Variants in SYT1 observed in about 807,000 individuals in gnomAD.
SYT1 encodes synaptotagmin-1.
SYT1 carries 8 observed loss-of-function variants against 44.8 expected under a neutral mutation model. That is an observed-to-expected ratio of 0.18 (90% CI 0.10 to 0.32). The LOEUF (loss-of-function observed/expected upper bound fraction) is 0.32. SYT1 is among the 10% of genes least tolerant of loss of function. The pLI is 1.00. For missense variants in SYT1, 286 were observed against 509.3 expected (o/e 0.56, Z 4.22); for synonymous variants, 154 against 188.8 (o/e 0.82, Z 1.51).
intron 2 of SYT1, among the ~76,000 whole-genome samples, chr12:79,046,129 T>C (rs925014396): frequency 6.6e-6 from 1 of 152,206 alleles, no homozygotes; most frequent in Non-Finnish European, 1.5e-5. Flanking sequence ...TGGATTTTAC[T>C]AAGAAACAGT....
intron 3 of SYT1, among the ~76,000 whole-genome samples, chr12:79,105,219 G>A (rs901520765): frequency 6.6e-6 from 1 of 152,120 alleles, no homozygotes; most frequent in Non-Finnish European, 1.5e-5. Context: ...TCGAGCTTCA[G>A]CCTTCTCATT....
At chr12:79,106,422 A>C (rs1183165280) in intron 3 of SYT1, among the ~76,000 whole-genome samples, 1 of 152,202 alleles carries the variant, frequency 6.6e-6, no homozygotes, top group Non-Finnish European at 1.5e-5. Context: ...AATGATACCT[A>C]AATAATGAAT....
At chr12:79,443,614 C>T (rs939689746) in intron 9 of SYT1, among the ~76,000 whole-genome samples, 4 of 152,194 alleles carry the variant, frequency 2.6e-5, no homozygotes, top group Non-Finnish European at 5.9e-5. Context: ...AATGAAATGG[C>T]TCCTTTGTCC....
At chr12:79,342,178 C>T (rs1377737143) in intron 8 of SYT1, among the ~76,000 whole-genome samples, 1 of 152,060 alleles carries the variant, frequency 6.6e-6, no homozygotes, top group Non-Finnish European at 1.5e-5. Flanking sequence ...GAATTTGGGC[C>T]TTTTAACTCA....
intron 4 of SYT1, among the ~76,000 whole-genome samples, chr12:79,249,083 T>A (rs1877023845): frequency 8.4e-6 from 1 of 119,178 alleles, no homozygotes; most frequent in South Asian, 2.9e-4. Flanking sequence ...TCTCTTTACC[T>A]CTTTCTTTTT....
chr12:79,326,616 GA>G (rs1881618561), intron 8 of SYT1, among the ~76,000 whole-genome samples: 1 of 152,218 alleles, frequency 6.6e-6, no homozygotes. Context: ...GGAAATGAAA[GA>G]CCATCTTCCT....
chr12:78,887,141 A>G (rs1243597294), intron 1 of SYT1, among the ~76,000 whole-genome samples: 2 of 151,936 alleles, frequency 1.3e-5, no homozygotes, highest in African/African-American at 4.8e-5. Flanking sequence ...AACTATTTGT[A>G]TGTTTTAAAA....
intron 3 of SYT1, among the ~76,000 whole-genome samples, chr12:79,191,550 C>T (rs1012295591): frequency 6.6e-6 from 1 of 152,034 alleles, no homozygotes; most frequent in African/African-American, 2.4e-5. Flanking sequence ...ATGCAATTAA[C>T]ATTTTCTCTT....
At chr12:79,223,919 A>G (rs1200334104) in intron 4 of SYT1, among the ~76,000 whole-genome samples, 6 of 152,176 alleles carry the variant, frequency 3.9e-5, no homozygotes, top group African/African-American at 2.4e-5. Flanking sequence ...CCAAGTTGAC[A>G]GTATCTCTTT....
intron 2 of SYT1, among the ~76,000 whole-genome samples, chr12:79,017,284 A>G (rs1871869312): frequency 6.6e-6 from 1 of 152,176 alleles, no homozygotes; most frequent in Non-Finnish European, 1.5e-5. Flanking sequence ...TTTTATATCA[A>G]GCATTATGCT....
intron 3 of SYT1, among the ~76,000 whole-genome samples, chr12:79,108,708 A>G (rs1878850853): frequency 6.6e-6 from 1 of 152,330 alleles, no homozygotes. Flanking sequence ...TTTCAAATTC[A>G]AGAAAGTTAT....
intron 3 of SYT1, among the ~76,000 whole-genome samples, chr12:79,213,700 G>A (rs1874605589): frequency 2.0e-5 from 3 of 152,144 alleles, no homozygotes; most frequent in African/African-American, 7.2e-5. Flanking sequence ...CGAAGCGGGC[G>A]GATCACTTGA....
At chr12:78,963,576 C>T (rs1202414039) in intron 1 of SYT1, among the ~76,000 whole-genome samples, 1 of 152,090 alleles carries the variant, frequency 6.6e-6, no homozygotes, top group Admixed American at 6.6e-5. Context: ...TGCTCAGCCT[C>T]ACAAATCATT....
intron 4 of SYT1, among the ~76,000 whole-genome samples, chr12:79,231,298 T>G (rs1447487697): frequency 1.3e-5 from 2 of 152,134 alleles, no homozygotes; most frequent in African/African-American, 4.8e-5. Context: ...AGTCCACGTG[T>G]CTCCCCAGCC....
Position 78,904,602 on chromosome 12 carries a change from A to G in SYT1, c.-217+39493A>G, listed in dbSNP as rs17045914. Among the ~76,000 whole-genome samples the G allele has an allele frequency of 4.9e-3, 749 of 152,278 alleles. 7 individuals are homozygous for G. Among genetic ancestry groups the G allele is most frequent in the African/African-American group, 0.017 (725 of 41,578 alleles). On this transcript the variant is annotated intron_variant, in intron 1 of 10. Coordinates refer to ENST00000261205, the MANE Select transcript of SYT1 (RefSeq NM_005639.3). ...AACTATCTTTATATGGAAAACTTTT[A>G]AAAAGAAAAGTGCTGCAAGATAATG...
rs183060054 is a variant in SYT1 at position 79,259,267 on chromosome 12, A to T, written c.167-26520A>T. Reference sequence around the variant, plus strand: ...TTAATATTTATAGTTCTACAAAAAAATTCAGAGCTCTTAACCTAAAACAAG... The same window carrying T: ...TTAATATTTATAGTTCTACAAAAAATTTCAGAGCTCTTAACCTAAAACAAG... On this transcript the variant is annotated intron_variant, in intron 4 of 10. Coordinates refer to ENST00000261205, the MANE Select transcript of SYT1 (RefSeq NM_005639.3). Among the ~76,000 whole-genome samples, 634 of 152,348 alleles carry T rather than the reference A, an allele frequency of 4.2e-3. 3 individuals are homozygous for T. The highest frequency in any genetic ancestry group is 0.014 in the African/African-American group (597 of 41,574).
At chr12:79,197,677 T>C (rs1402848181) in intron 3 of SYT1, among the ~76,000 whole-genome samples, 1 of 152,184 alleles carries the variant, frequency 6.6e-6, no homozygotes, top group Non-Finnish European at 1.5e-5. Context: ...CAAAGCTGCT[T>C]AAACCCAGAA....
chr12:79,328,618 G>A (rs1025280484), intron 8 of SYT1, among the ~76,000 whole-genome samples: 2 of 152,038 alleles, frequency 1.3e-5, no homozygotes, highest in African/African-American at 4.8e-5. Flanking sequence ...AGGCTGAGGC[G>A]GGCAGATCAC....
At chr12:79,012,994 T>G (rs1053549458) in intron 2 of SYT1, among the ~76,000 whole-genome samples, 3 of 152,026 alleles carry the variant, frequency 2.0e-5, no homozygotes, top group Non-Finnish European at 4.4e-5. Flanking sequence ...CAGTCCCTTC[T>G]ACCTGGAGGT....
Sources: allele counts gnomAD v4.1 joint callset (sites outside exome capture counted in the v4.1 genomes callset), GRCh38; gene constraint gnomAD v4.1.1; transcripts MANE v1.5; gene names NCBI Gene and HGNC (gene_info 2026-07-23, HGNC 2026-07-21).